Variants in PHACTR1 observed in about 807,000 individuals in gnomAD.
The protein encoded by PHACTR1 is RPEL repeat containing 1.
In PHACTR1, 16 loss-of-function variants were observed where a neutral mutation model predicts 69.2. The ratio of observed to expected loss-of-function variants is 0.23; its 90% CI spans 0.16 to 0.35. The LOEUF is 0.35. Among genes scored for constraint, PHACTR1 ranks in the 10% least tolerant of loss-of-function variants. The pLI, the probability that PHACTR1 is intolerant of heterozygous loss-of-function variation, is 1.00. For missense variants in PHACTR1, 510 were observed against 734.7 expected (o/e 0.69, Z 3.54); for synonymous variants, 312 against 284.5 (o/e 1.10, Z -0.97).
chr6:12,726,916 T>G (rs779783440), intron 3 of PHACTR1, among the ~76,000 whole-genome samples: 2 of 152,256 alleles, frequency 1.3e-5, no homozygotes, highest in Non-Finnish European at 2.9e-5. Flanking sequence ...GTAATCATAC[T>G]GTTTTCCAGA....
intron 5 of PHACTR1, among the ~76,000 whole-genome samples, chr6:13,131,408 G>A (rs538103569): frequency 2.0e-5 from 3 of 151,990 alleles, no homozygotes; most frequent in Admixed American, 1.3e-4. Context: ...AGGATGCAAA[G>A]GCATAAGAAT....
intron 5 of PHACTR1, among the ~76,000 whole-genome samples, chr6:13,083,675 G>A (rs1283864190): frequency 6.6e-6 from 1 of 152,140 alleles, no homozygotes; most frequent in African/African-American, 2.4e-5. Context: ...CTTGTAAGTT[G>A]GATTCCTGGG....
At position 13,158,631 on chromosome 6, in the gene PHACTR1, C is replaced by T. The variant is rs1020093374; in HGVS notation, c.416-1573C>T. On this transcript the variant is annotated intron_variant, in intron 5 of 14. Coordinates refer to ENST00000332995, the MANE Select transcript of PHACTR1 (RefSeq NM_030948.6). The stretch of plus-strand genomic sequence containing the variant: ...CAGCCGAGTCATGCCTGAAAATAAC[C>T]CAGAGAGCTTTTTTATCACAATGGA... 2.9e-4 allele frequency among the ~76,000 whole-genome samples: 44 copies of T among 152,092 alleles called. 1 individual carries two copies. The highest frequency in any genetic ancestry group is 1.0e-3 in the African/African-American group (42 of 41,418).
intron 4 of PHACTR1, among the ~76,000 whole-genome samples, chr6:12,849,694 C>A (rs991175671): frequency 1.3e-5 from 2 of 152,064 alleles, no homozygotes; most frequent in Non-Finnish European, 2.9e-5. Flanking sequence ...TGTCATAAAC[C>A]ATCATCTGTG....
At chr6:12,910,419 C>A (rs1037982250) in intron 4 of PHACTR1, among the ~76,000 whole-genome samples, 4 of 152,144 alleles carry the variant, frequency 2.6e-5, no homozygotes, top group Non-Finnish European at 5.9e-5. Context: ...CAGACTCATG[C>A]ACTAACAAAA....
chr6:12,717,952 G>A (rs955561334), intron 2 of PHACTR1, among the ~76,000 whole-genome samples: 1 of 152,042 alleles, frequency 6.6e-6, no homozygotes, highest in Non-Finnish European at 1.5e-5. Flanking sequence ...TGAGTATCAG[G>A]GAAAGGCTAC....
intron 4 of PHACTR1, among the ~76,000 whole-genome samples, chr6:12,968,847 T>C (rs187907818): frequency 6.2e-4 from 95 of 152,342 alleles, no homozygotes; most frequent in African/African-American, 2.0e-3. Context: ...TGCTTTTTGA[T>C]GATCTGATAG....
chr6:13,108,579 T>C (rs1020644255), intron 5 of PHACTR1, among the ~76,000 whole-genome samples: 1 of 152,088 alleles, frequency 6.6e-6, no homozygotes, highest in Non-Finnish European at 1.5e-5. Flanking sequence ...TCTTTAAAAA[T>C]TGACTCACAT....
At chr6:13,127,995 A>G (rs1815044667) in intron 5 of PHACTR1, among the ~76,000 whole-genome samples, 1 of 151,554 alleles carries the variant, frequency 6.6e-6, no homozygotes, top group South Asian at 2.1e-4. Flanking sequence ...CCTTCTTCAC[A>G]TGGCGGCCGG....
intron 4 of PHACTR1, among the ~76,000 whole-genome samples, chr6:12,815,229 CTG>C (rs1561908609): frequency 6.6e-6 from 1 of 152,196 alleles, no homozygotes; most frequent in Admixed American, 6.5e-5. Context: ...CCTCTTAAAA[CTG>C]AAGCAATGCA....
At chr6:12,847,975 T>C (rs966175155) in intron 4 of PHACTR1, among the ~76,000 whole-genome samples, 1 of 152,344 alleles carries the variant, frequency 6.6e-6, no homozygotes, top group African/African-American at 2.4e-5. Context: ...AACTTTGATA[T>C]ATCTCACCAT....
intron 4 of PHACTR1, among the ~76,000 whole-genome samples, chr6:12,755,929 G>T (rs1208995975): frequency 6.6e-6 from 1 of 152,112 alleles, no homozygotes; most frequent in African/African-American, 2.4e-5. Flanking sequence ...CAGAAAGAAG[G>T]ATCCTAACCT....
chr6:12,850,698 T>C (rs1229431200), intron 4 of PHACTR1, among the ~76,000 whole-genome samples: 1 of 152,230 alleles, frequency 6.6e-6, no homozygotes, highest in Non-Finnish European at 1.5e-5. Context: ...GGAGCCTCCC[T>C]TGCCTCTTCC....
At chr6:12,995,290 A>G (rs927147346) in intron 4 of PHACTR1, among the ~76,000 whole-genome samples, 3 of 151,968 alleles carry the variant, frequency 2.0e-5, no homozygotes, top group South Asian at 4.1e-4. Context: ...AATTAGAGGA[A>G]AGGAAAAGAA....
intron 4 of PHACTR1, among the ~76,000 whole-genome samples, chr6:12,838,767 G>A (rs757087958): frequency 6.6e-6 from 1 of 152,256 alleles, no homozygotes; most frequent in East Asian, 1.9e-4. Flanking sequence ...GTTCCCCTAA[G>A]TATGGTTAAA....
At chr6:12,970,906 G>A (rs1794122118) in intron 4 of PHACTR1, among the ~76,000 whole-genome samples, 1 of 152,178 alleles carries the variant, frequency 6.6e-6, no homozygotes, top group Non-Finnish European at 1.5e-5. Context: ...CCCATTTTAT[G>A]CCGTGGGTAG....
intron 8 of PHACTR1, among the ~76,000 whole-genome samples, chr6:13,214,609 A>C (rs952808984): frequency 1.3e-5 from 2 of 152,208 alleles, no homozygotes; most frequent in Non-Finnish European, 2.9e-5. Context: ...CTGAAAGTTA[A>C]CTTCCAGAAT....
intron 8 of PHACTR1, among the ~76,000 whole-genome samples, chr6:13,226,421 A>G (rs1033014132): frequency 6.6e-6 from 1 of 152,238 alleles, no homozygotes; most frequent in South Asian, 2.1e-4. Flanking sequence ...ACTTACTGAT[A>G]TATAATATAA....
chr6:13,004,769 G>A (rs999017514), intron 4 of PHACTR1, among the ~76,000 whole-genome samples: 1 of 152,128 alleles, frequency 6.6e-6, no homozygotes, highest in East Asian at 1.9e-4. Flanking sequence ...GAGTGGATAT[G>A]TCTGGCCTGC....
Sources: gnomAD v4.1 joint callset for allele counts (sites outside exome capture counted in the v4.1 genomes callset) on GRCh38, gnomAD v4.1.1 for gene constraint, MANE v1.5 for transcripts, NCBI Gene and HGNC (gene_info 2026-07-23, HGNC 2026-07-21) for gene names.